DCBLD2: variants seen among roughly 807,000 people sequenced by gnomAD.
DCBLD2 encodes discoidin, CUB and LCCL domain containing 2, also known as discoidin, CUB and LCCL domain-containing protein 2.
In DCBLD2, 54 loss-of-function variants were observed where a neutral mutation model predicts 86.8. That is an observed-to-expected ratio of 0.62 (90% CI 0.50 to 0.78). The LOEUF (loss-of-function observed/expected upper bound fraction) is 0.78, where lower values mean the gene tolerates loss of function less well. Among genes scored for constraint, DCBLD2 ranks in the 30% least tolerant of loss-of-function variants. The pLI, the probability that DCBLD2 is intolerant of heterozygous loss-of-function variation, is 0.00. For synonymous variants in DCBLD2, 354 were observed against 341.3 expected (o/e 1.04, Z -0.41); for missense variants, 908 against 954.2 (o/e 0.95, Z 0.64).
chr3:98,865,503 T>C (rs1021946766), intron 2 of DCBLD2, among the ~76,000 whole-genome samples: 3 of 151,918 alleles, frequency 2.0e-5, no homozygotes, highest in Non-Finnish European at 4.4e-5. Context: ...GACACAAAAA[T>C]TTCAGTTACA....
rs1270433082 is a variant in DCBLD2, at chr3:98,870,662, G to GC, written c.433+10877_433+10878insG. On this transcript the variant is annotated intron_variant, in intron 2 of 15. Transcript: ENST00000326840. ...AAGGAAGAAGAGATAGAGAAAGAGA[G>GC]AGAGAGAGAGAGAGAGAAATAGAGA... is the stretch of plus-strand genomic sequence containing the variant. 6.1e-5 allele frequency among the ~76,000 whole-genome samples: 9 copies of GC among 147,856 alleles called. 1 individual carries two copies. The highest frequency in any genetic ancestry group is 1.2e-4 in the Non-Finnish European group (8 of 67,030).
At chr3:98,880,377 G>C (rs777498816) in intron 2 of DCBLD2, among the ~76,000 whole-genome samples, 2 of 152,188 alleles carry the variant, frequency 1.3e-5, no homozygotes, top group Non-Finnish European at 2.9e-5. Flanking sequence ...AACTCACAGA[G>C]AATTCCTAAT....
chr3:98,881,357 T>C (rs1399886540), intron 2 of DCBLD2, among the ~76,000 whole-genome samples, 183 bp downstream of exon 2: 1 of 151,944 alleles, frequency 6.6e-6, no homozygotes, highest in Admixed American at 6.6e-5. Flanking sequence ...ATTAGAAAAG[T>C]AAATAAAGTA....
At chr3:98,879,226 C>A (rs1395509044) in intron 2 of DCBLD2, among the ~76,000 whole-genome samples, 5 of 152,168 alleles carry the variant, frequency 3.3e-5, no homozygotes, top group African/African-American at 9.7e-5. Flanking sequence ...TTTCTCCTAT[C>A]CTTCTCCCTA....
In DCBLD2 at chr3:98,864,960, A is replaced by G. The variant is rs150540061; in HGVS notation, c.434-15362T>C. ...TAGAATGGCTACTATCAAAAAGACA[A>G]AAGTGTTGACAAGAATGTGGAGAAA... On this transcript the variant is annotated intron_variant, in intron 2 of 15. Transcript: ENST00000326840. Among the ~76,000 whole-genome samples the G allele has an allele frequency of 5.3e-3, 807 of 152,314 alleles. 7 individuals carry two copies. Among genetic ancestry groups the G allele is most frequent in the African/African-American group, 0.018 (761 of 41,574 alleles).
At chr3:98,812,289 G>A in intron 10 of DCBLD2, 43 bp downstream of exon 10, 1 of 1,601,884 alleles carries the variant, frequency 6.2e-7, no homozygotes, top group Non-Finnish European at 8.5e-7. Flanking sequence ...ATTTTAAATT[G>A]GCAATCCAGT....
chr3:98,832,725 G>C (rs369715429), intron 3 of DCBLD2, among the ~76,000 whole-genome samples: 41 of 152,282 alleles, frequency 2.7e-4, no homozygotes, highest in African/African-American at 9.6e-4. Context: ...TGAAATTCTT[G>C]AAGATTTTTT....
intron 9 of DCBLD2, 76 bp downstream of exon 9, chr3:98,817,693 A>C (rs1942047832): frequency 1.4e-6 from 2 of 1,451,112 alleles, no homozygotes; most frequent in South Asian, 2.4e-5. Flanking sequence ...CATCTCTTTT[A>C]TACAGGAGAG....
intron 6 of DCBLD2, chr3:98,821,121 C>A (rs1290579312): frequency 1.3e-5 from 2 of 152,092 alleles, no homozygotes; most frequent in Non-Finnish European, 2.9e-5. Flanking sequence ...GAATAAGCTG[C>A]AGCGACATGT....
At chr3:98,878,948 T>C (rs769650017) in intron 2 of DCBLD2, among the ~76,000 whole-genome samples, 44 of 152,254 alleles carry the variant, frequency 2.9e-4, no homozygotes, top group Admixed American at 6.5e-4. Flanking sequence ...TTCAACACTT[T>C]GTAGAAAAAG....
chr3:98,852,199 CT>C, intron 2 of DCBLD2, among the ~76,000 whole-genome samples: 1 of 151,474 alleles, frequency 6.6e-6, no homozygotes, highest in South Asian at 2.1e-4. Context: ...TGTGTGTTTA[CT>C]TGTAAAATTT....
intron 13 of DCBLD2, among the ~76,000 whole-genome samples, chr3:98,803,215 T>C (rs1016513302): frequency 6.6e-6 from 1 of 152,230 alleles, no homozygotes; most frequent in Non-Finnish European, 1.5e-5. Context: ...GCGTCCTCTT[T>C]TATTTCATTG....
intron 1 of DCBLD2, among the ~76,000 whole-genome samples, chr3:98,896,563 T>C (rs921731930): frequency 6.6e-6 from 1 of 152,184 alleles, no homozygotes; most frequent in Non-Finnish European, 1.5e-5. Context: ...AAATTACAAC[T>C]ACAAAAGATT....
chr3:98,869,815 T>C (rs572449443), intron 2 of DCBLD2, among the ~76,000 whole-genome samples: 8 of 152,374 alleles, frequency 5.3e-5, no homozygotes, highest in Non-Finnish European at 7.3e-5. Context: ...CAACTTTTCA[T>C]GAACAATGTT....
intron 2 of DCBLD2, among the ~76,000 whole-genome samples, chr3:98,867,707 A>C (rs1943179127): frequency 1.3e-5 from 2 of 152,238 alleles, no homozygotes; most frequent in African/African-American, 4.8e-5. Flanking sequence ...AGGAGAGTTC[A>C]ATTGTCATCA....
At chr3:98,825,798 T>C (rs1275591444) in intron 3 of DCBLD2, among the ~76,000 whole-genome samples, 1 of 151,668 alleles carries the variant, frequency 6.6e-6, no homozygotes, top group Non-Finnish European at 1.5e-5. Context: ...CCCTTTGCTG[T>C]TTGCACATAA....
chr3:98,808,471 A>G (rs1472828932), intron 12 of DCBLD2, among the ~76,000 whole-genome samples: 1 of 152,224 alleles, frequency 6.6e-6, no homozygotes, highest in African/African-American at 2.4e-5. Flanking sequence ...TATTTTCTAC[A>G]TATGAGAAGA....
intron 2 of DCBLD2, among the ~76,000 whole-genome samples, chr3:98,875,194 A>G (rs1943348048): frequency 6.6e-6 from 1 of 152,198 alleles, no homozygotes; most frequent in Non-Finnish European, 1.5e-5. Flanking sequence ...AACTAACTGA[A>G]ATAATTTTAA....
At chr3:98,867,189 A>G (rs1943164356) in intron 2 of DCBLD2, among the ~76,000 whole-genome samples, 1 of 152,204 alleles carries the variant, frequency 6.6e-6, no homozygotes. Context: ...TGGCAATGCC[A>G]GCTCTTTTTT....
Sources: gnomAD v4.1 joint callset for allele counts (sites outside exome capture counted in the v4.1 genomes callset) on GRCh38, gnomAD v4.1.1 for gene constraint, MANE v1.5 for transcripts, NCBI Gene and HGNC (gene_info 2026-07-23, HGNC 2026-07-21) for gene names.